Variants in EIF3K observed in about 807,000 individuals in gnomAD.
The protein encoded by EIF3K is eIF-3 p28.
Under a neutral mutation model 34.2 loss-of-function variants are expected in EIF3K, and 27 were observed. That is an observed-to-expected ratio of 0.79 (90% CI 0.58 to 1.09). The LOEUF (loss-of-function observed/expected upper bound fraction) is 1.09. EIF3K is among the 50% of genes least tolerant of loss of function. The probability of loss-of-function intolerance (pLI) is 0.00; values close to 1 mark genes in which losing one functional copy is unlikely to be tolerated. For synonymous variants in EIF3K, 105 were observed against 105.7 expected (o/e 0.99, Z 0.04); for missense variants, 232 against 275.4 (o/e 0.84, Z 1.11).
At chr19:38,621,802 C>T (rs1178006246) in intron 2 of EIF3K, among the ~76,000 whole-genome samples, 14 of 151,702 alleles carry the variant, frequency 9.2e-5, no homozygotes, top group Admixed American at 9.2e-4. Context: ...GATATGGCTG[C>T]AGTTTGTTGT....
At chr19:38,620,167 T>G (rs894060533) in intron 1 of EIF3K, among the ~76,000 whole-genome samples, 170 bp from the exon 2 acceptor site, 3 of 152,254 alleles carry the variant, frequency 2.0e-5, no homozygotes, top group Middle Eastern at 3.4e-3. Context: ...AGAATAAGTT[T>G]TACTAGAGAT....
At chr19:38,620,850 C>T (rs577579849) in intron 2 of EIF3K, among the ~76,000 whole-genome samples, 65 of 151,846 alleles carry the variant, frequency 4.3e-4, no homozygotes, top group Middle Eastern at 3.4e-3. Flanking sequence ...ACCAAGATCG[C>T]GCCATTGCAC....
chr19:38,635,468 A>G (rs944032859), intron 7 of EIF3K: 4 of 385,876 alleles, frequency 1.0e-5, no homozygotes, highest in Middle Eastern at 6.7e-4. Context: ...CCTCATGTGC[A>G]GACTTGGAAT....
intron 1 of EIF3K, 94 bp downstream of exon 1, chr19:38,619,421 C>A: frequency 7.0e-7 from 1 of 1,428,970 alleles, no homozygotes; most frequent in Non-Finnish European, 9.7e-7. Context: ...CCTGGGCTTG[C>A]CGCGGGGTGG....
At chr19:38,620,295 C>G (rs1355300951) in intron 1 of EIF3K, 42 bp from the exon 2 acceptor site, 2 of 1,581,932 alleles carry the variant, frequency 1.3e-6, no homozygotes, top group Non-Finnish European at 1.7e-6. Flanking sequence ...CTGGCCTCAG[C>G]TTCTGTCTCC....
At chr19:38,623,770 C>T (rs1975891801) in intron 2 of EIF3K, among the ~76,000 whole-genome samples, 1 of 152,194 alleles carries the variant, frequency 6.6e-6, no homozygotes, top group Admixed American at 6.5e-5. Context: ...GAAGTTTAAA[C>T]CGAGGCAGTC....
chr19:38,626,944 G>A (rs1023051701), intron 4 of EIF3K, among the ~76,000 whole-genome samples: 4 of 151,984 alleles, frequency 2.6e-5, no homozygotes, highest in African/African-American at 9.7e-5. Flanking sequence ...AGTACTACAG[G>A]CACACGCCAT....
At chr19:38,630,347 AT>A (rs71165567) in intron 4 of EIF3K, among the ~76,000 whole-genome samples, 3,154 of 124,332 alleles carry the variant, frequency 0.025, 41 homozygotes, top group Middle Eastern at 0.036. Context: ...TTATTTATTT[AT>A]TTTTTTTTTT....
chr19:38,619,243 C>G lies in EIF3K; in HGVS notation c.-26C>G. On this transcript the variant is annotated 5_prime_UTR_variant, in exon 1 of 8. Coordinates refer to ENST00000248342, the MANE Select transcript of EIF3K (RefSeq NM_013234.4). Reference sequence around the variant, plus strand: ...TGCCGGGTCAGTGTTAGCCTCCAGCCCTGGTTGTGGAAGGCGACAGAAGTC... The same window carrying G: ...TGCCGGGTCAGTGTTAGCCTCCAGCGCTGGTTGTGGAAGGCGACAGAAGTC... The G allele has an allele frequency of 6.2e-7, 1 of 1,613,626 alleles. No individual in the cohort carries two copies. Among genetic ancestry groups the G allele is most frequent in the South Asian group, 1.1e-5 (1 of 91,026 alleles).
chr19:38,626,839 C>T (rs535177878), intron 4 of EIF3K, among the ~76,000 whole-genome samples: 6 of 152,224 alleles, frequency 3.9e-5, no homozygotes, highest in East Asian at 1.9e-4. Flanking sequence ...TGGAGTCTCA[C>T]GCCATTGCCT....
At chr19:38,632,195 C>G (rs1475183072) in intron 4 of EIF3K, 4 of 496,514 alleles carry the variant, frequency 8.1e-6, no homozygotes, top group East Asian at 7.3e-5. Flanking sequence ...GTGGGCAGAT[C>G]ACTTGAGCCC....
At chr19:38,626,675 C>G (rs1975958081) in intron 4 of EIF3K, among the ~76,000 whole-genome samples, 1 of 152,202 alleles carries the variant, frequency 6.6e-6, no homozygotes, top group African/African-American at 2.4e-5. Context: ...ACCTGTCTGA[C>G]ATGCTCTGCC....
intron 6 of EIF3K, 160 bp downstream of exon 6, chr19:38,632,838 G>C (rs1306726274): frequency 1.7e-6 from 1 of 598,638 alleles, no homozygotes. Flanking sequence ...GACAGTCTCT[G>C]CCTTGAGGGA....
chr19:38,623,966 C>T (rs1975895231), intron 2 of EIF3K, 111 bp from the exon 3 acceptor site: 3 of 1,532,200 alleles, frequency 2.0e-6, no homozygotes, highest in South Asian at 2.5e-5. Flanking sequence ...GGGATTGGAA[C>T]CCAGGCATGT....
Position 38,626,095 on chromosome 19 carries a change from C to T in EIF3K, c.347C>T (p.Ala116Val). 6.2e-7 allele frequency: 1 copy of T among 1,614,138 alleles called. No individual in the cohort carries two copies. Among genetic ancestry groups the T allele is most frequent in the Non-Finnish European group, 8.5e-7 (1 of 1,180,010 alleles). The change falls in exon 4 of 8, where the codon GCC becomes GTC. Residue 116 changes from alanine (A) to valine (V), a missense_variant. Transcript: ENST00000248342. Reference sequence around the variant, plus strand: ...CTGCTGGAGACCTGCCATTTCCAGGCCTTCTGGGTAACTTCCCTGGGGTCC... The same window carrying T: ...CTGCTGGAGACCTGCCATTTCCAGGTCTTCTGGGTAACTTCCCTGGGGTCC... ...GDLLETCHFQ[A>V]FWQALDENMD...
chr19:38,633,997 G>A (rs1976130602), intron 6 of EIF3K, among the ~76,000 whole-genome samples: 2 of 147,258 alleles, frequency 1.4e-5, no homozygotes. Context: ...GGCTGGTCTT[G>A]AACTCCTGAC....
chr19:38,624,063 G>A lies in EIF3K; in HGVS notation c.159-14G>A. The A allele has an allele frequency of 6.2e-7, 1 of 1,614,004 alleles. No individual in the cohort carries two copies. Among genetic ancestry groups the A allele is most frequent in the Non-Finnish European group, 8.5e-7 (1 of 1,179,902 alleles). On this transcript the variant is annotated splice_polypyrimidine_tract_variant and intron_variant, in intron 2 of 7. Coordinates refer to ENST00000248342, the MANE Select transcript of EIF3K (RefSeq NM_013234.4). The stretch of plus-strand genomic sequence containing the variant: ...AGGTGCCACTGTGGCCACGTCTCTT[G>A]TTCTTTTTCTTAGGTACCAGTTCAA...
At chr19:38,631,739 G>T (rs998504400) in intron 4 of EIF3K, among the ~76,000 whole-genome samples, 1 of 152,206 alleles carries the variant, frequency 6.6e-6, no homozygotes, top group Non-Finnish European at 1.5e-5. Context: ...CCATATTTCA[G>T]ACTATCACAT....
intron 5 of EIF3K, 33 bp downstream of exon 5, chr19:38,632,529 G>A: frequency 6.2e-7 from 1 of 1,614,018 alleles, no homozygotes. Context: ...GCTCCCCAAG[G>A]GGAAGGGGTA....
Sources: allele counts gnomAD v4.1 joint callset (sites outside exome capture counted in the v4.1 genomes callset), GRCh38; gene constraint gnomAD v4.1.1; transcripts MANE v1.5; gene names NCBI Gene and HGNC (gene_info 2026-07-23, HGNC 2026-07-21).